MYPN: variants seen among roughly 807,000 people sequenced by gnomAD.
MYPN encodes the protein myopalladin, also known as sarcomeric protein myopalladin, 145 kDa (MYOP).
Under a neutral mutation model 129.4 loss-of-function variants are expected in MYPN, and 63 were observed. The observed-to-expected ratio is 0.49, with a 90% CI of 0.40 to 0.60. The LOEUF (loss-of-function observed/expected upper bound fraction) is 0.60, where lower values mean the gene tolerates loss of function less well. Among genes scored for constraint, MYPN ranks in the 20% least tolerant of loss-of-function variants. MYPN has a pLI of 0.00. For missense variants in MYPN, 1,596 were observed against 1,635.4 expected (o/e 0.98, Z 0.42); for synonymous variants, 629 against 600.9 (o/e 1.05, Z -0.68).
chr10:68,166,148 T>C (rs963972853), intron 9 of MYPN, 146 bp from the exon 10 acceptor site: 1 of 937,144 alleles, frequency 1.1e-6, no homozygotes, highest in Non-Finnish European at 1.7e-6. Flanking sequence ...TCCTTACCAT[T>C]CTTTAATGCC....
At chr10:68,131,820 A>T (rs181954292) in intron 2 of MYPN, among the ~76,000 whole-genome samples, 2 of 152,308 alleles carry the variant, frequency 1.3e-5, no homozygotes, top group South Asian at 4.1e-4. Context: ...TAATGGCATC[A>T]TTGTTAAAAA....
intron 10 of MYPN, among the ~76,000 whole-genome samples, chr10:68,170,743 A>C (rs993682120): frequency 6.6e-6 from 1 of 152,222 alleles, no homozygotes; most frequent in African/African-American, 2.4e-5. Context: ...ACTCTAGAAT[A>C]AAATGTGGAG....
At chr10:68,203,151 G>C (rs2043747153) in intron 18 of MYPN, among the ~76,000 whole-genome samples, 1 of 152,150 alleles carries the variant, frequency 6.6e-6, no homozygotes. Flanking sequence ...CACTTCCTGG[G>C]GAAGGCAGTG....
rs118157288 is a variant in MYPN, at chr10:68,211,958, A to T, written c.*1503A>T. On this transcript the variant is annotated 3_prime_UTR_variant, in exon 20 of 20. Transcript: ENST00000358913. ...CAGTAACTGCTTAGAAAGGCTTGAAACTGTCTTCACTTCAAGGCAAGGATT... is the reference window on the plus strand; with the variant it reads ...CAGTAACTGCTTAGAAAGGCTTGAATCTGTCTTCACTTCAAGGCAAGGATT... The T allele has an allele frequency of 2.7e-6, 1 of 367,422 alleles. No homozygotes were observed. Among genetic ancestry groups the T allele is most frequent in the Non-Finnish European group, 5.3e-6 (1 of 187,354 alleles). The allele number at this position is 367,422 out of a possible 1,614,324, so 22.8% of individuals were successfully genotyped here.
At chr10:68,184,976 C>T (rs1412835150) in intron 12 of MYPN, among the ~76,000 whole-genome samples, 1 of 152,098 alleles carries the variant, frequency 6.6e-6, no homozygotes, top group Non-Finnish European at 1.5e-5. Flanking sequence ...TCCTGTTAAC[C>T]ATTTAAGGGT....
At chr10:68,091,708 C>G (rs942769283) in intron 1 of MYPN, among the ~76,000 whole-genome samples, 16 of 151,442 alleles carry the variant, frequency 1.1e-4, no homozygotes, top group Non-Finnish European at 1.3e-4. Flanking sequence ...GACTACAGCC[C>G]AAATTTGCTC....
Position 68,194,543 on chromosome 10 carries a change from A to C in MYPN, c.3075+31A>C, listed in dbSNP as rs779071967. On this transcript the variant is annotated intron_variant, in intron 14 of 19. Transcript: ENST00000358913. ...GACGCAGGGTTCTGCGCTGTGCTGC[A>C]CTCTGAGGAAGGAGCGGTTGATGTC... is the stretch of plus-strand genomic sequence containing the variant. 9.9e-6 allele frequency: 16 copies of C among 1,611,116 alleles called. No homozygotes were observed. The East Asian group carries it at 3.6e-4, about 36-fold the overall frequency.
chr10:68,107,349 T>C (rs553755027), upstream of MYPN, among the ~76,000 whole-genome samples: 304 of 148,810 alleles, frequency 2.0e-3, no homozygotes, highest in African/African-American at 7.0e-3. Context: ...TTCTTTTTTT[T>C]TTTTTTTTTT....
chr10:68,111,462 A>G (rs2042080701), intron 1 of MYPN, among the ~76,000 whole-genome samples: 1 of 152,200 alleles, frequency 6.6e-6, no homozygotes, highest in Non-Finnish European at 1.5e-5. Context: ...ATAACAAGAT[A>G]GAAAAATGAA....
intron 12 of MYPN, among the ~76,000 whole-genome samples, chr10:68,187,437 G>T (rs2043439974): frequency 6.6e-6 from 1 of 152,144 alleles, no homozygotes; most frequent in Non-Finnish European, 1.5e-5. Context: ...CTTTACAAAA[G>T]TGCAGCCTGG....
At chr10:68,102,374 C>T (rs2041986042), upstream of MYPN, among the ~76,000 whole-genome samples, 2 of 152,180 alleles carry the variant, frequency 1.3e-5, no homozygotes, top group South Asian at 4.1e-4. Flanking sequence ...AGTCATCCAC[C>T]GCCTCAGCTT....
chr10:68,152,053 A>G (rs2817758), intron 6 of MYPN, among the ~76,000 whole-genome samples: 9,611 of 152,198 alleles, frequency 0.063, 774 homozygotes, highest in African/African-American at 0.19. Flanking sequence ...AGGCAGGACA[A>G]CTGGAAGTTG....
Position 68,126,712 on chromosome 10 carries a change from G to A in MYPN, c.902+4372G>A, listed in dbSNP as rs544021437. ...GGACCTGGATACTTGAAAGAAAGAT[G>A]GGGTCTCCAGCATGGACTGAGATAA... On this transcript the variant is annotated intron_variant, in intron 2 of 19. Transcript: ENST00000358913. Among the ~76,000 whole-genome samples the A allele has an allele frequency of 5.3e-5, 8 of 152,248 alleles. No homozygotes were observed. In the South Asian group the frequency reaches 1.7e-3, roughly 32 times the overall value.
rs2043677384 is a variant in MYPN at position 68,199,670 on chromosome 10, C to G, written c.3493+95C>G. 35 of 1,234,508 alleles carry G rather than the reference C, an allele frequency of 2.8e-5. No homozygotes were observed. The South Asian group carries it at 4.3e-4, about 15-fold the overall frequency. 76.5% of individuals were successfully genotyped at this position (1,234,508 alleles called of 1,614,324 possible). A position where few individuals can be genotyped will look rare whatever the true frequency, so the allele number is the denominator to read the frequency against. Reference sequence around the variant, plus strand: ...TGCCAGAATTCCTTCATCCTTTGCCCTACTAACTCCAATCTCAATTTCCCC... The same window carrying G: ...TGCCAGAATTCCTTCATCCTTTGCCGTACTAACTCCAATCTCAATTTCCCC... On this transcript the variant is annotated intron_variant, in intron 17 of 19. Coordinates refer to ENST00000358913, the MANE Select transcript of MYPN (RefSeq NM_032578.4).
chr10:68,131,719 T>A (rs1373719493), intron 2 of MYPN, among the ~76,000 whole-genome samples: 1 of 152,308 alleles, frequency 6.6e-6, no homozygotes, highest in South Asian at 2.1e-4. Context: ...AAAAGATTTG[T>A]AATCTTTTCT....
In MYPN at chr10:68,210,572, G is replaced by T; in HGVS notation, c.*117G>T. On this transcript the variant is annotated 3_prime_UTR_variant, in exon 20 of 20. Transcript: ENST00000358913. ...AGTAAGTTCCCACACTGCTGGACCT[G>T]TGGCAAAGAGTGCTTTGAATAAGTC... 8.4e-7 allele frequency: 1 copy of T among 1,191,106 alleles called. No homozygotes were observed. The highest frequency in any genetic ancestry group is 1.2e-6 in the Non-Finnish European group (1 of 810,594). The allele number at this position is 1,191,106 out of a possible 1,614,324, so 73.8% of individuals were successfully genotyped here.
Position 68,122,027 on chromosome 10 carries a change from T to TC in MYPN, c.591dup (p.Ser198GlnfsTer25). ...AAACAAAGTTATGCAGGAAAACAGC[T>TC]CCAGTTTCTCAGATCTGTCAGAAAG... On this transcript the variant is annotated frameshift_variant, in exon 2 of 20. Transcript: ENST00000358913. LOFTEE classifies it high-confidence loss of function. The TC allele has an allele frequency of 6.2e-7, 1 of 1,614,152 alleles. No individual in the cohort carries two copies. The highest frequency in any genetic ancestry group is 8.5e-7 in the Non-Finnish European group (1 of 1,180,032).
intron 12 of MYPN, among the ~76,000 whole-genome samples, chr10:68,184,668 C>G (rs143589923): frequency 6.6e-6 from 1 of 152,146 alleles, no homozygotes; most frequent in African/African-American, 2.4e-5. Context: ...GCAGAGGAAA[C>G]AGGAATGGAA....
intron 7 of MYPN, among the ~76,000 whole-genome samples, chr10:68,160,287 C>T (rs937356736): frequency 6.6e-6 from 1 of 151,530 alleles, no homozygotes; most frequent in South Asian, 2.1e-4. Flanking sequence ...AAAACTCAGC[C>T]GGGTGTGGTG....
Sources: gnomAD v4.1 joint callset for allele counts (sites outside exome capture counted in the v4.1 genomes callset) on GRCh38, gnomAD v4.1.1 for gene constraint, MANE v1.5 for transcripts, NCBI Gene and HGNC (gene_info 2026-07-23, HGNC 2026-07-21) for gene names.